The following ZNF91 variants were observed in gnomAD, a reference collection of about 807,000 sequenced individuals.
ZNF91 encodes zinc finger protein 91 (HPF7, HTF10).
ZNF91 carries 7 observed loss-of-function variants against 12.6 expected under a neutral mutation model. That is an observed-to-expected ratio of 0.55 (90% CI 0.31 to 1.04). The LOEUF is 1.04. ZNF91 is among the 50% of genes least tolerant of loss of function. The pLI is 0.05. For missense variants in ZNF91, 1,217 were observed against 1,385.4 expected, an observed-to-expected ratio of 0.88 and a Z score of 1.93; for synonymous variants, 453 against 462.6, an observed-to-expected ratio of 0.98 and a Z score of 0.27.
At chr19:23,330,113 C>G (rs1967902319) in intron 1 of ZNF91, among the ~76,000 whole-genome samples, 1 of 152,068 alleles carries the variant, frequency 6.6e-6, no homozygotes, top group South Asian at 2.1e-4. Flanking sequence ...GGCGGATCAC[C>G]TGATGTCAGG....
chr19:23,368,510 ATCTCTCTCTCTCTCTCTCTCTCTC>A lies in ZNF91; in HGVS notation c.253+5208_253+5231del, dbSNP rs573590418. On this transcript the variant is annotated intron_variant, in intron 3 of 3. Transcript: ENST00000300619. Reference sequence around the variant, plus strand: ...AGCCTGGGTGACAGAGCGAAACTCCATCTCTCTCTCTCTCTCTCTCTCTCTCTCTCTCTCTCTCTCTCTCTCTCT... The same window carrying A: ...AGCCTGGGTGACAGAGCGAAACTCCATCTCTCTCTCTCTCTCTCTCTCTCT... 7.8e-3 allele frequency among the ~76,000 whole-genome samples: 731 copies of A among 94,322 alleles called. 16 individuals carry two copies. The highest frequency in any genetic ancestry group is 0.027 in the African/African-American group (686 of 25,346). The allele number at this position is 94,322 out of a possible 152,430, so 61.9% of individuals were successfully genotyped here.
chr19:23,370,694 G>A (rs1969241872), intron 3 of ZNF91, among the ~76,000 whole-genome samples: 1 of 152,052 alleles, frequency 6.6e-6, no homozygotes, highest in Non-Finnish European at 1.5e-5. Flanking sequence ...TTTGTAGAGA[G>A]GGTGTCTCCA....
rs1412384506 is a variant in ZNF91 at position 23,361,258 on chromosome 19, TAG to T, written c.1719_1720del (p.Tyr574GlnfsTer3). ...AGCTTTGCCACATTCTTCACATTTG[TAG>T]AGTTTCTTTCCAGCATGAATTATTT... is the stretch of plus-strand genomic sequence containing the variant. On this transcript the variant is annotated frameshift_variant, in exon 4 of 4. Transcript: ENST00000300619. LOFTEE classifies it low-confidence loss of function (END_TRUNC). 4 of 1,613,624 alleles carry T rather than the reference TAG, an allele frequency of 2.5e-6. No homozygotes were observed. The highest frequency in any genetic ancestry group is 2.2e-5 in the East Asian group (1 of 44,844).
chr19:23,332,166 T>C (rs1309746200), intron 1 of ZNF91, among the ~76,000 whole-genome samples: 5 of 152,264 alleles, frequency 3.3e-5, no homozygotes, highest in Admixed American at 3.3e-4. Flanking sequence ...CTACCTGTGC[T>C]AGACCTATTA....
chr19:23,347,061 G>A (rs1968248205), intron 3 of ZNF91, among the ~76,000 whole-genome samples: 1 of 151,686 alleles, frequency 6.6e-6, no homozygotes, highest in African/African-American at 2.4e-5. Flanking sequence ...TTTGTAGATG[G>A]CAGCTCCTTC....
At chr19:23,307,270 A>G (rs1248592846) in intron 3 of ZNF91, 2 of 152,134 alleles carry the variant, frequency 1.3e-5, no homozygotes, top group South Asian at 2.1e-4. Flanking sequence ...GCAATGTGAT[A>G]TATCTCTGGG....
chr19:23,348,403 C>A, intron 3 of ZNF91, among the ~76,000 whole-genome samples: 1 of 152,330 alleles, frequency 6.6e-6, no homozygotes, highest in Non-Finnish European at 1.5e-5. Context: ...ATTTCTTACA[C>A]CTGTCTTTAC....
intron 1 of ZNF91, among the ~76,000 whole-genome samples, chr19:23,382,107 A>G (rs1047469723): frequency 3.3e-5 from 5 of 151,600 alleles, no homozygotes; most frequent in Admixed American, 6.6e-5. Context: ...TGATTTATAT[A>G]TATTTCAAAA....
intron 1 of ZNF91, among the ~76,000 whole-genome samples, chr19:23,392,143 T>G (rs1336415256): frequency 6.6e-6 from 1 of 152,136 alleles, no homozygotes; most frequent in South Asian, 2.1e-4. Flanking sequence ...TGCCTGTAAT[T>G]CCAGCACGTT....
In ZNF91 at chr19:23,359,663, A is replaced by G; in HGVS notation, c.3316T>C (p.Tyr1106His). ...GCTTTGCCACATTCTCCACATTTGTAGGGTTTCTCTCCGGTGTGCAACCTC... is the reference window on the plus strand; with the variant it reads ...GCTTTGCCACATTCTCCACATTTGTGGGGTTTCTCTCCGGTGTGCAACCTC... ...HKRLHTGEKP[Y>H]KCGECGKAFK... is the part of the protein sequence containing the mutation. The change falls in exon 4 of 4, where the codon TAC (tyrosine) becomes CAC (histidine). Residue 1106 changes from tyrosine to histidine, a missense_variant. By Grantham distance (83) the Tyr-to-His change is moderately conservative. Transcript: ENST00000300619. 1 of 1,614,040 alleles carries G rather than the reference A, an allele frequency of 6.2e-7. No individual in the cohort carries two copies. Among genetic ancestry groups the G allele is most frequent in the Non-Finnish European group, 8.5e-7 (1 of 1,179,980 alleles).
At chr19:23,325,340 T>C (rs1420337132) in intron 1 of ZNF91, 3 of 152,156 alleles carry the variant, frequency 2.0e-5, no homozygotes, top group African/African-American at 4.8e-5. Context: ...TTGGTGTCAG[T>C]TGCCAGGTGC....
rs1407224513 is a variant in ZNF91 at position 23,360,024 on chromosome 19, C to T, written c.2955G>A (p.Lys985=). The T allele has an allele frequency of 1.2e-6, 2 of 1,613,420 alleles. No homozygotes were observed. Among genetic ancestry groups the T allele is most frequent in the Admixed American group, 1.7e-5 (1 of 60,018 alleles). ...AGGGTTTCTCTCCAGTATGAATTAT[C>T]TTATGTTCAGTAAGAGTTGAAGATT... The part of the protein sequence containing the change: ...FRKSSTLTEH[K]IIHTGEKPYK... Residue 985 remains lysine (K), a synonymous_variant, in exon 4 of 4, where the codon AAG becomes AAA. Coordinates refer to ENST00000300619, the MANE Select transcript of ZNF91 (RefSeq NM_003430.4).
In ZNF91 at chr19:23,360,127, G is replaced by A. The variant is rs934256042; in HGVS notation, c.2852C>T (p.Ser951Leu). Residue 951 changes from serine to leucine, a missense_variant, in exon 4 of 4, where the codon TCA becomes TTA. Physicochemically the swap from Ser to Leu is moderately radical, Grantham distance 145. This residue lies in a region of ZNF91 where 491 missense variants were observed against 489.8 expected (regional missense o/e 1.00). Transcript: ENST00000300619. ...AATTATCTTATGTGTAGTAAGGGTT[G>A]AGGATTGGCTAAAAGCTTTGCCACA... ...EECGKAFSQS[S>L]TLTTHKIIHT... 12 of 1,613,760 alleles carry A rather than the reference G, an allele frequency of 7.4e-6. No individual in the cohort carries two copies. The highest frequency in any genetic ancestry group is 1.0e-5 in the Non-Finnish European group (12 of 1,180,010).
chr19:23,375,824 TAA>T (rs1158996653), intron 1 of ZNF91, among the ~76,000 whole-genome samples: 1 of 152,190 alleles, frequency 6.6e-6, no homozygotes, highest in African/African-American at 2.4e-5. Flanking sequence ...AAAAAATCTG[TAA>T]GAGAGCTTAT....
At chr19:23,348,284 G>A (rs1055895559) in intron 3 of ZNF91, among the ~76,000 whole-genome samples, 4 of 152,154 alleles carry the variant, frequency 2.6e-5, no homozygotes, top group East Asian at 1.9e-4. Flanking sequence ...TGAATGTTGC[G>A]GGAAGTCAGG....
rs763745570 is a variant in ZNF91 at position 23,360,211 on chromosome 19, G to A, written c.2768C>T (p.Ser923Leu). Reference protein sequence around the residue: ...EECGKAFSQPSHLTTHKRMHT... With the variant: ...EECGKAFSQPLHLTTHKRMHT... ...CATCCTCTTATGTGTAGTAAGGTGTGAAGGCTGGCTAAATGCTTTGCCACA... is the reference window on the plus strand; with the variant it reads ...CATCCTCTTATGTGTAGTAAGGTGTAAAGGCTGGCTAAATGCTTTGCCACA... Residue 923 changes from serine (S) to leucine (L), a missense_variant, in exon 4 of 4, where the codon TCA becomes TTA. Around this residue, in one of 2 missense-constraint regions of ZNF91, gnomAD observed 491 missense variants for 489.8 expected, o/e 1.00. Transcript: ENST00000300619. 6.2e-7 allele frequency: 1 copy of A among 1,613,986 alleles called. No homozygotes were observed. The highest frequency in any genetic ancestry group is 8.5e-7 in the Non-Finnish European group (1 of 1,180,008).
At chr19:23,364,921 T>G (rs1411033494) in intron 3 of ZNF91, among the ~76,000 whole-genome samples, 1 of 138,130 alleles carries the variant, frequency 7.2e-6, no homozygotes, top group Non-Finnish European at 1.6e-5. Context: ...AAGTTAAATA[T>G]TGACATGCAC....
At chr19:23,367,041 C>G (rs1398636941) in intron 3 of ZNF91, among the ~76,000 whole-genome samples, 1 of 152,068 alleles carries the variant, frequency 6.6e-6, no homozygotes, top group East Asian at 1.9e-4. Flanking sequence ...GCCTATAATC[C>G]CAACACATAG....
At chr19:23,313,771 C>A (rs1967508071), upstream of ZNF91, among the ~76,000 whole-genome samples, 1 of 152,148 alleles carries the variant, frequency 6.6e-6, no homozygotes, top group South Asian at 2.1e-4. Context: ...GGATGTAATT[C>A]ACAGGTGGGT....
Sources: gnomAD v4.1 joint callset for allele counts (sites outside exome capture counted in the v4.1 genomes callset) on GRCh38, gnomAD v4.1.1 for gene constraint, gnomAD v4.1.1 regional missense constraint, MANE v1.5 for transcripts, NCBI Gene and HGNC (gene_info 2026-07-23, HGNC 2026-07-21) for gene names.